The following ADAMTSL1 variants were observed in gnomAD, a reference collection of about 807,000 sequenced individuals.
ADAMTSL1 encodes the protein ADAMTS like 1.
In ADAMTSL1, 126 loss-of-function variants were observed where a neutral mutation model predicts 201.8. The ratio of observed to expected loss-of-function variants is 0.62; its 90% CI spans 0.54 to 0.72. The LOEUF is 0.72. ADAMTSL1 is among the 30% of genes least tolerant of loss of function. The pLI, the probability that ADAMTSL1 is intolerant of heterozygous loss-of-function variation, is 0.00. For synonymous variants in ADAMTSL1, 1,121 were observed against 903.4 expected (o/e 1.24, Z -4.32); for missense variants, 2,679 against 2,277.8 (o/e 1.18, Z -3.59).
At chr9:18,015,560 A>G (rs1361060088) in intron 1 of ADAMTSL1, among the ~76,000 whole-genome samples, 1 of 151,968 alleles carries the variant, frequency 6.6e-6, no homozygotes, top group African/African-American at 2.4e-5. Context: ...GACACGTATT[A>G]TTGTTTTGAG....
At chr9:18,500,452 G>T (rs1822774407) in intron 1 of ADAMTSL1, among the ~76,000 whole-genome samples, 1 of 152,184 alleles carries the variant, frequency 6.6e-6, no homozygotes, top group Admixed American at 6.5e-5. Flanking sequence ...TGGAGTTGGG[G>T]GGTTGATTGC....
intron 20 of ADAMTSL1, among the ~76,000 whole-genome samples, chr9:18,809,252 G>A (rs184974518): frequency 8.5e-5 from 13 of 152,322 alleles, no homozygotes; most frequent in Middle Eastern, 3.4e-3. Flanking sequence ...ATATGGAGTG[G>A]TTAGAAAAGG....
intron 2 of ADAMTSL1, among the ~76,000 whole-genome samples, chr9:18,334,848 G>T (rs1481051449): frequency 5.3e-5 from 8 of 152,008 alleles, no homozygotes; most frequent in African/African-American, 9.7e-5. Context: ...AGAGATTTTT[G>T]CCCAGTATCC....
chr9:18,726,675 G>C (rs963656155), intron 15 of ADAMTSL1, among the ~76,000 whole-genome samples: 1 of 152,114 alleles, frequency 6.6e-6, no homozygotes, highest in Non-Finnish European at 1.5e-5. Flanking sequence ...GAAAAGATTT[G>C]GTAAACGTAT....
At chr9:18,449,829 C>T (rs905171894) in intron 2 of ADAMTSL1, among the ~76,000 whole-genome samples, 7 of 152,166 alleles carry the variant, frequency 4.6e-5, no homozygotes, top group African/African-American at 1.7e-4. Context: ...CACAATAATA[C>T]ACTACTATAT....
intron 2 of ADAMTSL1, among the ~76,000 whole-genome samples, chr9:18,212,260 C>T (rs1829903559): frequency 6.6e-6 from 1 of 152,102 alleles, no homozygotes; most frequent in African/African-American, 2.4e-5. Flanking sequence ...AACTCAAAGT[C>T]TCTGTGGTAG....
At chr9:18,285,158 A>T (rs1385905043) in intron 2 of ADAMTSL1, among the ~76,000 whole-genome samples, 7 of 152,136 alleles carry the variant, frequency 4.6e-5, no homozygotes, top group African/African-American at 1.7e-4. Flanking sequence ...AATATATTCA[A>T]ACTCTCAAAG....
intron 3 of ADAMTSL1, among the ~76,000 whole-genome samples, chr9:18,566,785 A>C (rs1056399024): frequency 3.9e-5 from 6 of 152,148 alleles, no homozygotes; most frequent in African/African-American, 1.4e-4. Flanking sequence ...TCATAAGACC[A>C]TTCTGGCCAC....
intron 2 of ADAMTSL1, among the ~76,000 whole-genome samples, chr9:18,298,978 C>T (rs1415978421): frequency 6.7e-6 from 1 of 150,160 alleles, no homozygotes; most frequent in Non-Finnish European, 1.5e-5. Flanking sequence ...CGCCACTGCA[C>T]TCCAGCCTGG....
intron 23 of ADAMTSL1, among the ~76,000 whole-genome samples, chr9:18,843,209 A>T (rs1391571863): frequency 2.0e-5 from 3 of 150,358 alleles, no homozygotes; most frequent in Admixed American, 1.3e-4. Flanking sequence ...TTCCTTCAGG[A>T]GCTCTTTTAG....
At chr9:18,662,266 C>T (rs893485736) in intron 9 of ADAMTSL1, among the ~76,000 whole-genome samples, 193 bp downstream of exon 9, 2 of 152,192 alleles carry the variant, frequency 1.3e-5, no homozygotes, top group Non-Finnish European at 2.9e-5. Context: ...GCGAGGCCAT[C>T]TCGGAGTCTA....
chr9:18,251,847 T>G (rs1831476135), intron 2 of ADAMTSL1, among the ~76,000 whole-genome samples: 1 of 152,130 alleles, frequency 6.6e-6, no homozygotes, highest in Non-Finnish European at 1.5e-5. Flanking sequence ...TTGACAAGGA[T>G]GGCATTTCAA....
chr9:18,600,808 C>T lies in ADAMTSL1; in HGVS notation c.475-21435C>T, dbSNP rs190603237. ...CTCAAATTTTTAAAATCTAAAGAAA[C>T]AAAAATATAAACTCTTAGCCTGTAC... On this transcript the variant is annotated intron_variant, in intron 4 of 28. Transcript: ENST00000380548. 6.6e-5 allele frequency among the ~76,000 whole-genome samples: 10 copies of T among 151,514 alleles called. No homozygotes were observed. The Admixed American group carries it at 6.8e-4, about 10-fold the overall frequency.
chr9:18,189,138 G>A (rs1828863797), intron 2 of ADAMTSL1, among the ~76,000 whole-genome samples: 1 of 152,116 alleles, frequency 6.6e-6, no homozygotes, highest in Admixed American at 6.6e-5. Flanking sequence ...GGCGTTAAGA[G>A]GAAGGAATTA....
At chr9:18,642,973 G>T (rs1564111618) in intron 7 of ADAMTSL1, among the ~76,000 whole-genome samples, 1 of 151,892 alleles carries the variant, frequency 6.6e-6, no homozygotes, top group South Asian at 2.1e-4. Flanking sequence ...TCATATGGTA[G>T]TTCTGTTTTT....
At chr9:18,728,461 GAA>G (rs891503384) in intron 15 of ADAMTSL1, among the ~76,000 whole-genome samples, 13 of 150,676 alleles carry the variant, frequency 8.6e-5, no homozygotes, top group South Asian at 2.1e-4. Context: ...CCAATTCAGA[GAA>G]AAAAAAAACA....
intron 2 of ADAMTSL1, among the ~76,000 whole-genome samples, chr9:18,386,829 T>G (rs909193642): frequency 6.6e-6 from 1 of 152,206 alleles, no homozygotes; most frequent in Non-Finnish European, 1.5e-5. Flanking sequence ...CTTTCTCACT[T>G]ATTTTTGAGA....
intron 10 of ADAMTSL1, 56 bp downstream of exon 10, chr9:18,675,963 A>ATCTATATGTATATC: frequency 1.4e-6 from 2 of 1,418,760 alleles, no homozygotes; most frequent in Non-Finnish European, 2.0e-6. Context: ...TCTGCTGCTT[A>ATCTATATGTATATC]TCTATATATA....
At chr9:18,372,055 C>G (rs1179378699) in intron 2 of ADAMTSL1, among the ~76,000 whole-genome samples, 1 of 152,116 alleles carries the variant, frequency 6.6e-6, no homozygotes, top group African/African-American at 2.4e-5. Context: ...GCTTGAATAA[C>G]AAAGAGACTT....
Sources: allele counts gnomAD v4.1 joint callset (sites outside exome capture counted in the v4.1 genomes callset), GRCh38; gene constraint gnomAD v4.1.1; transcripts MANE v1.5; gene names NCBI Gene and HGNC (gene_info 2026-07-23, HGNC 2026-07-21).